NEK6: variants seen among roughly 807,000 people sequenced by gnomAD.
The protein encoded by NEK6 is serine/threonine-protein kinase Nek6.
In NEK6, 27 loss-of-function variants were observed where a neutral mutation model predicts 43.5. The observed-to-expected ratio is 0.62, with a 90% CI of 0.46 to 0.86. The LOEUF is 0.86. NEK6 is among the 40% of genes least tolerant of loss of function. The probability of loss-of-function intolerance (pLI) is 0.00; values close to 1 mark genes in which losing one functional copy is unlikely to be tolerated. For synonymous variants in NEK6, 167 were observed against 164.1 expected (o/e 1.02, Z -0.14); for missense variants, 318 against 414.4 (o/e 0.77, Z 2.02).
intron 1 of NEK6, among the ~76,000 whole-genome samples, chr9:124,271,966 C>G (rs1347896053): frequency 6.6e-6 from 1 of 152,274 alleles, no homozygotes. Flanking sequence ...CCACCTTGTG[C>G]TCCCCGTGTC....
intron 5 of NEK6, among the ~76,000 whole-genome samples, chr9:124,322,127 T>C (rs1834096460): frequency 2.0e-5 from 3 of 152,238 alleles, no homozygotes; most frequent in African/African-American, 7.2e-5. Flanking sequence ...GCCATGCCTG[T>C]GGCCCAGGTC....
chr9:124,315,034 A>G (rs932718821), intron 4 of NEK6, among the ~76,000 whole-genome samples: 3 of 152,268 alleles, frequency 2.0e-5, no homozygotes, highest in Non-Finnish European at 4.4e-5. Flanking sequence ...TGCCCGCCGA[A>G]GCCACAGCTG....
intron 8 of NEK6, among the ~76,000 whole-genome samples, chr9:124,341,749 G>GTA (rs1332288738): frequency 1.3e-5 from 2 of 152,152 alleles, no homozygotes; most frequent in Admixed American, 1.3e-4. Flanking sequence ...TGGGCTCGGG[G>GTA]GAGGGCAGTG....
At chr9:124,321,657 C>A in intron 5 of NEK6, 88 bp downstream of exon 5, 1 of 899,918 alleles carries the variant, frequency 1.1e-6, no homozygotes, top group Non-Finnish European at 1.8e-6. Context: ...TCCCACAATG[C>A]TCTGCCTTTA....
At chr9:124,276,816 G>A (rs1355600769) in intron 1 of NEK6, among the ~76,000 whole-genome samples, 2 of 152,222 alleles carry the variant, frequency 1.3e-5, no homozygotes, top group South Asian at 2.1e-4. Flanking sequence ...GGGAGACTGC[G>A]TGAGCAGGTG....
rs569513202 is a variant in NEK6 at position 124,283,835 on chromosome 9, C to T, written c.-29-18101C>T. On this transcript the variant is annotated intron_variant, in intron 1 of 9. Coordinates refer to ENST00000320246, the MANE Select transcript of NEK6 (RefSeq NM_014397.6). ...TCCCATGCCCCAGGTAGACTGCACG[C>T]ACATTTTCTTGTGTTTCCACACCCT... Among the ~76,000 whole-genome samples the T allele has an allele frequency of 2.6e-5, 4 of 152,384 alleles. No homozygotes were observed. In the East Asian group the frequency reaches 7.7e-4, roughly 29 times the overall value.
chr9:124,330,731 G>A (rs984254318), intron 7 of NEK6, among the ~76,000 whole-genome samples: 11 of 152,174 alleles, frequency 7.2e-5, no homozygotes, highest in Admixed American at 2.6e-4. Context: ...TGCAGCTTTC[G>A]AGGGGACAGA....
chr9:124,327,901 C>A (rs1443811756), intron 7 of NEK6, among the ~76,000 whole-genome samples: 1 of 152,122 alleles, frequency 6.6e-6, no homozygotes, highest in African/African-American at 2.4e-5. Context: ...TGTAGCTGGA[C>A]CATAAAGGGA....
chr9:124,326,692 G>A lies in NEK6; in HGVS notation c.514+254G>A, dbSNP rs1040195395. Among the ~76,000 whole-genome samples, 2 of 152,332 alleles carry A rather than the reference G, an allele frequency of 1.3e-5. No homozygotes were observed. Among genetic ancestry groups the A allele is most frequent in the Admixed American group, 6.5e-5 (1 of 15,310 alleles). On this transcript the variant is annotated intron_variant, in intron 6 of 9. Coordinates refer to ENST00000320246, the MANE Select transcript of NEK6 (RefSeq NM_014397.6). The surrounding 1 kb of genome is among the most constrained non-coding windows in gnomAD (Gnocchi z 4.5). The stretch of plus-strand genomic sequence containing the variant: ...ACACCACTTCCAGTTCCCCACAGCA[G>A]CCTGGGAGGGAGGTCGAGGAAGCCT...
chr9:124,282,442 A>C (rs748978254), intron 1 of NEK6, among the ~76,000 whole-genome samples: 6 of 152,228 alleles, frequency 3.9e-5, no homozygotes, highest in Non-Finnish European at 7.3e-5. Flanking sequence ...TCTCCAAGTA[A>C]GGGCCTATGC....
intron 7 of NEK6, among the ~76,000 whole-genome samples, chr9:124,338,339 G>C (rs998946004): frequency 6.6e-6 from 1 of 152,222 alleles, no homozygotes; most frequent in African/African-American, 2.4e-5. Context: ...CACTTCATGT[G>C]CTTCTTGGCC....
Position 124,312,550 on chromosome 9 carries a change from C to T in NEK6, c.132C>T (p.Asp44=). 6.2e-7 allele frequency: 1 copy of T among 1,614,208 alleles called. No homozygotes were observed. Residue 44 remains aspartate, a synonymous_variant, in exon 3 of 10, where the codon GAC becomes GAT. Transcript: ENST00000320246. ...NTLSFRCSLA[D]FQIEKKIGRG... ...TGTCTTTTCGCTGCTCGCTGGCGGA[C>T]TTCCAGATCGAAAAGAAGATAGGCC...
rs1341847232 is a variant in NEK6 at position 124,324,621 on chromosome 9, G to T, written c.406-1709G>T. Among the ~76,000 whole-genome samples, 1 of 152,168 alleles carries T rather than the reference G, an allele frequency of 6.6e-6. No homozygotes were observed. Among genetic ancestry groups the T allele is most frequent in the African/African-American group, 2.4e-5 (1 of 41,440 alleles). On this transcript the variant is annotated intron_variant, in intron 5 of 9. Transcript: ENST00000320246. This position sits in a 1 kb window ranked among gnomAD's most constrained non-coding sequence, Gnocchi z 5.3. ...ACAGCGTGAATAACATCCCGGCCTG[G>T]CCCGCCACAGGCCTGGAGGTGGCCT...
intron 8 of NEK6, among the ~76,000 whole-genome samples, chr9:124,340,187 TC>T (rs1283946969): frequency 8.0e-6 from 1 of 124,448 alleles, no homozygotes; most frequent in Non-Finnish European, 1.8e-5. Flanking sequence ...GATGGCCACT[TC>T]CAGACCTGGT....
At position 124,260,282 on chromosome 9, in the gene NEK6, A is replaced by T. The variant is rs527679172; in HGVS notation, c.-30+2197A>T. ...TCCGTTCATTTTCTGCTCATCGTAG[A>T]TAGGGTTTATTATCCCCATTTCACA... On this transcript the variant is annotated intron_variant, in intron 1 of 9. Coordinates refer to ENST00000320246, the MANE Select transcript of NEK6 (RefSeq NM_014397.6). Among the ~76,000 whole-genome samples the T allele has an allele frequency of 2.6e-5, 4 of 152,288 alleles. No homozygotes were observed. The East Asian group carries it at 5.8e-4, about 22-fold the overall frequency.
At chr9:124,347,674 C>A (rs375347182) in intron 8 of NEK6, 35 bp from the exon 9 acceptor site, 4 of 1,413,710 alleles carry the variant, frequency 2.8e-6, no homozygotes, top group Non-Finnish European at 2.9e-6. Context: ...GCCTTGAGGC[C>A]GAAAGCTTAT....
At position 124,323,411 on chromosome 9, in the gene NEK6, A is replaced by G. The variant is rs543529187; in HGVS notation, c.405+1842A>G. 2.2e-3 allele frequency among the ~76,000 whole-genome samples: 342 copies of G among 152,296 alleles called. 1 individual carries two copies. The highest frequency in any genetic ancestry group is 2.4e-3 in the Non-Finnish European group (163 of 68,032). ...GGCCCTAAGGTCAGAGAAGCTTCCT[A>G]AGATTCATGGCGGTGAACAAACGTG... On this transcript the variant is annotated intron_variant, in intron 5 of 9. Transcript: ENST00000320246.
At chr9:124,346,678 C>T (rs1033874725) in intron 8 of NEK6, among the ~76,000 whole-genome samples, 2 of 152,150 alleles carry the variant, frequency 1.3e-5, no homozygotes, top group Admixed American at 6.5e-5. Flanking sequence ...GCAGGTGCCA[C>T]GCTGGGCTGC....
chr9:124,336,108 T>C (rs1005616359), intron 7 of NEK6, among the ~76,000 whole-genome samples: 1 of 152,086 alleles, frequency 6.6e-6, no homozygotes, highest in South Asian at 2.1e-4. Context: ...CATGGTGGTG[T>C]GCACCTGTGG....
Sources: allele counts gnomAD v4.1 joint callset (sites outside exome capture counted in the v4.1 genomes callset), GRCh38; gene constraint gnomAD v4.1.1; non-coding constraint Gnocchi (gnomAD v3.1); transcripts MANE v1.5; gene names NCBI Gene and HGNC (gene_info 2026-07-23, HGNC 2026-07-21).